Variants in MRTFB observed in about 807,000 individuals in gnomAD.
MRTFB encodes myocardin related transcription factor B.
A neutral mutation model predicts 104.2 loss-of-function variants in MRTFB; 29 were observed. The ratio of observed to expected loss-of-function variants is 0.28; its 90% CI spans 0.21 to 0.38. MRTFB has a LOEUF of 0.38. MRTFB is among the 10% of genes least tolerant of loss of function. The pLI, the probability that MRTFB is intolerant of heterozygous loss-of-function variation, is 1.00. For missense variants in MRTFB, 1,270 were observed against 1,341.6 expected, an observed-to-expected ratio of 0.95 and a Z score of 0.83; for synonymous variants, 535 against 519.5, an observed-to-expected ratio of 1.03 and a Z score of -0.41.
the MRTFB span, among the ~76,000 whole-genome samples, chr16:14,003,555 C>T: frequency 5.8e-4 from 89 of 152,308 alleles, no homozygotes; most frequent in East Asian, 0.012. Context: ...AGAGCATGCA[C>T]GTAGGTCCTG....
At chr16:14,198,209 ATTTG>A (rs1257030838) in intron 3 of MRTFB, among the ~76,000 whole-genome samples, 1 of 152,160 alleles carries the variant, frequency 6.6e-6, no homozygotes, top group African/African-American at 2.4e-5. Flanking sequence ...ATATGCCACA[ATTTG>A]TTTATCCATT....
At position 14,217,259 on chromosome 16, in the gene MRTFB, G is replaced by GGAC; in HGVS notation, c.487_489dup (p.Asp163dup). On this transcript the variant is annotated inframe_insertion, in exon 7 of 17. Coordinates refer to ENST00000571589, the MANE Select transcript of MRTFB (RefSeq NM_001308142.2). ...TGGTAGAGAAAAACATCCTTCCTGT[G>GGAC]GACTCCAGTGTTAAAGAAGCAATTA... 1 of 1,611,450 alleles carries GGAC rather than the reference G, an allele frequency of 6.2e-7. No individual in the cohort carries two copies. Among genetic ancestry groups the GGAC allele is most frequent in the Non-Finnish European group, 8.5e-7 (1 of 1,179,022 alleles).
At chr16:14,186,356 T>G (rs905616005) in intron 3 of MRTFB, among the ~76,000 whole-genome samples, 1 of 152,232 alleles carries the variant, frequency 6.6e-6, no homozygotes, top group African/African-American at 2.4e-5. Context: ...GACTGCCGTT[T>G]GTGTAGCTGG....
At chr16:14,166,073 C>T (rs1192481539) in intron 3 of MRTFB, among the ~76,000 whole-genome samples, 1 of 152,184 alleles carries the variant, frequency 6.6e-6, no homozygotes, top group African/African-American at 2.4e-5. Context: ...CAAAATAGAG[C>T]AGCCACTTCC....
At chr16:14,201,670 G>A (rs2040710539) in intron 3 of MRTFB, among the ~76,000 whole-genome samples, 1 of 152,136 alleles carries the variant, frequency 6.6e-6, no homozygotes, top group Admixed American at 6.5e-5. Flanking sequence ...TTACAGAAAG[G>A]ATAGCTAGAT....
chr16:14,190,187 C>G (rs954007121), intron 3 of MRTFB, among the ~76,000 whole-genome samples: 1 of 152,156 alleles, frequency 6.6e-6, no homozygotes, highest in Non-Finnish European at 1.5e-5. Context: ...TAGGAGAGAA[C>G]AGCAATAAAT....
chr16:14,247,595 C>T (rs374072008), intron 12 of MRTFB, 88 bp downstream of exon 12: 1 of 1,241,848 alleles, frequency 8.1e-7, no homozygotes, highest in African/African-American at 1.5e-5. Flanking sequence ...TGAGCTCTTC[C>T]ATAAATGCGT....
At chr16:14,004,378 G>A in the MRTFB span, among the ~76,000 whole-genome samples, 11 of 152,296 alleles carry the variant, frequency 7.2e-5, no homozygotes, top group African/African-American at 9.6e-5. Flanking sequence ...AGAGGTCCAC[G>A]GGTGAAGCTA....
Position 14,240,388 on chromosome 16 carries a change from G to A in MRTFB, c.983G>A (p.Arg328His), listed in dbSNP as rs1000130476. ...CCGCAGATGGACTCTAACTACGCCC[G>A]CCTGCTCCAGCAGCAGCAGCTGTTC... ...NEPQMDSNYARLLQQQQLFLQ... is the reference protein window; with the variant it reads ...NEPQMDSNYAHLLQQQQLFLQ... The change falls in exon 10 of 17, where the codon CGC (arginine) becomes CAC (histidine). Residue 328 changes from arginine (R) to histidine (H), a missense_variant. Around this residue, in one of 3 missense-constraint regions of MRTFB, gnomAD observed 1,144 missense variants for 1,131.5 expected, o/e 1.01. Transcript: ENST00000571589. The A allele has an allele frequency of 4.8e-5, 78 of 1,614,060 alleles. No individual in the cohort carries two copies. The highest frequency in any genetic ancestry group is 6.3e-5 in the Non-Finnish European group (74 of 1,180,044).
chr16:14,216,476 CA>C, intron 6 of MRTFB, among the ~76,000 whole-genome samples: 1 of 152,174 alleles, frequency 6.6e-6, no homozygotes, highest in East Asian at 1.9e-4. Flanking sequence ...TATAGTTTTA[CA>C]TTGGTTGTAC....
chr16:14,145,738 C>T (rs2038278169), intron 3 of MRTFB, among the ~76,000 whole-genome samples: 1 of 152,218 alleles, frequency 6.6e-6, no homozygotes, highest in South Asian at 2.1e-4. Context: ...GATTGAGCTT[C>T]ATTTTAACAT....
intron 8 of MRTFB, 46 bp from the exon 9 acceptor site, chr16:14,234,100 T>C: frequency 2.5e-6 from 4 of 1,590,198 alleles, no homozygotes; most frequent in Non-Finnish European, 3.4e-6. Context: ...TCTGTTTTTA[T>C]GATCATTAAT....
chr16:14,121,116 T>C (rs2036823427), intron 2 of MRTFB, among the ~76,000 whole-genome samples: 1 of 152,246 alleles, frequency 6.6e-6, no homozygotes, highest in East Asian at 1.9e-4. Context: ...TAAAACTGGT[T>C]ATTGTGAGTG....
intron 2 of MRTFB, among the ~76,000 whole-genome samples, chr16:14,084,838 T>C (rs2034604471): frequency 6.6e-6 from 1 of 152,244 alleles, no homozygotes; most frequent in African/African-American, 2.4e-5. Flanking sequence ...AGGTTTCATA[T>C]GAAGCATATA....
chr16:14,258,971 C>A (rs1381026930), intron 16 of MRTFB, among the ~76,000 whole-genome samples: 1 of 152,054 alleles, frequency 6.6e-6, no homozygotes, highest in African/African-American at 2.4e-5. Flanking sequence ...TAAAATTACC[C>A]TGATGAAAGG....
chr16:14,033,774 T>C, the MRTFB span, among the ~76,000 whole-genome samples: 1 of 146,022 alleles, frequency 6.8e-6, no homozygotes, highest in Non-Finnish European at 1.5e-5. Flanking sequence ...AGACAGAGGC[T>C]GCAGTGTGCT....
the MRTFB span, among the ~76,000 whole-genome samples, chr16:14,023,675 G>GTGTGTATA: frequency 6.9e-6 from 1 of 145,070 alleles, no homozygotes; most frequent in African/African-American, 2.5e-5. Context: ...GTGTGTGTGT[G>GTGTGTATA]TCTATATATA....
intron 8 of MRTFB, among the ~76,000 whole-genome samples, chr16:14,229,833 C>G (rs918950716): frequency 2.0e-5 from 3 of 151,998 alleles, no homozygotes; most frequent in African/African-American, 7.3e-5. Context: ...AATTAAAGAT[C>G]TGGCCCTCGT....
intron 3 of MRTFB, chr16:14,193,686 C>T (rs2040300977): frequency 6.6e-6 from 1 of 152,174 alleles, no homozygotes; most frequent in South Asian, 2.1e-4. Context: ...TTGGTAAATA[C>T]TATTTCACAG....
Sources: allele counts gnomAD v4.1 joint callset (sites outside exome capture counted in the v4.1 genomes callset), GRCh38; gene constraint gnomAD v4.1.1; regional missense constraint gnomAD v4.1.1; transcripts MANE v1.5; gene names NCBI Gene and HGNC (gene_info 2026-07-23, HGNC 2026-07-21).